The following RP1L1 variants were observed in gnomAD, a reference collection of about 807,000 sequenced individuals.
The protein encoded by RP1L1 is retinitis pigmentosa 1-like 1 protein.
RP1L1 carries 27 observed loss-of-function variants against 15.7 expected under a neutral mutation model. The ratio of observed to expected loss-of-function variants is 1.72; its 90% CI spans 1.27 to 2.38. The LOEUF (loss-of-function observed/expected upper bound fraction) is 2.38. RP1L1 is among the 30% of genes most tolerant of loss of function. The pLI is 0.00. For synonymous variants in RP1L1, 1,813 were observed against 1,276.7 expected (o/e 1.42, Z -8.96); for missense variants, 4,798 against 3,075.9 (o/e 1.56, Z -13.24).
intron 1 of RP1L1, among the ~76,000 whole-genome samples, chr8:10,649,190 C>G (rs1031725942): frequency 1.3e-5 from 2 of 152,234 alleles, no homozygotes; most frequent in African/African-American, 4.8e-5. Context: ...CCCACAGACA[C>G]AACTTTCTTC....
At position 10,612,062 on chromosome 8, in the gene RP1L1, T is replaced by A; in HGVS notation, c.2036A>T (p.Asp679Val). 2 of 1,613,714 alleles carry A rather than the reference T, an allele frequency of 1.2e-6. No homozygotes were observed. Among genetic ancestry groups the A allele is most frequent in the Non-Finnish European group, 1.7e-6 (2 of 1,180,004 alleles). The change falls in exon 4 of 4, where the codon GAC becomes GTC. Residue 679 changes from aspartate (D) to valine (V), a missense_variant. Coordinates refer to ENST00000382483, the MANE Select transcript of RP1L1 (RefSeq NM_178857.6). ...CGGCACTTGCTTGGTTACAGAGGAG[T>A]CCAGTGGGCTGTGGGTGTCCTTGCG... ...HYRKDTHSPL[D>V]SSVTKQVPRP...
intron 1 of RP1L1, among the ~76,000 whole-genome samples, chr8:10,645,065 G>GCCTGTAATTTCAGAA (rs1206303523): frequency 6.6e-6 from 1 of 152,208 alleles, no homozygotes; most frequent in Non-Finnish European, 1.5e-5. Flanking sequence ...GGTGGCTCAT[G>GCCTGTAATTTCAGAA]CCTGTAATTT....
intron 1 of RP1L1, among the ~76,000 whole-genome samples, chr8:10,643,113 G>A (rs1347302071): frequency 6.6e-6 from 1 of 152,144 alleles, no homozygotes; most frequent in East Asian, 1.9e-4. Context: ...AAGGCAGGAG[G>A]ATTGCTTGAT....
Position 10,611,501 on chromosome 8 carries a change from C to A in RP1L1, c.2597G>T (p.Arg866Leu), listed in dbSNP as rs1008642662. 1.3e-6 allele frequency: 2 copies of A among 1,574,510 alleles called. No homozygotes were observed. The highest frequency in any genetic ancestry group is 1.9e-5 in the Admixed American group (1 of 53,564). The change falls in exon 4 of 4, where the codon CGC becomes CTC. Residue 866 changes from arginine to leucine, a missense_variant. By Grantham distance (102) the Arg-to-Leu change is moderately radical. Coordinates refer to ENST00000382483, the MANE Select transcript of RP1L1 (RefSeq NM_178857.6). Reference sequence around the variant, plus strand: ...GCCGGTGCTCCCACAGCTGGAAGAGCGCCTCTGGGGGCAGGGCCGCCCCCT... The same window carrying A: ...GCCGGTGCTCCCACAGCTGGAAGAGAGCCTCTGGGGGCAGGGCCGCCCCCT... ...PPRGRPCPQR[R>L]SSSCGSTGSS...
intron 1 of RP1L1, among the ~76,000 whole-genome samples, chr8:10,640,715 T>C (rs1335727031): frequency 2.0e-5 from 3 of 151,784 alleles, no homozygotes; most frequent in African/African-American, 7.3e-5. Context: ...CTATAAGGTG[T>C]AGGAAAGAGA....
In RP1L1 at chr8:10,607,896, C is replaced by T. The variant is rs370161581; in HGVS notation, c.6202G>A (p.Glu2068Lys). The T allele has an allele frequency of 2.5e-6, 4 of 1,596,136 alleles. No individual in the cohort carries two copies. The highest frequency in any genetic ancestry group is 3.4e-6 in the Non-Finnish European group (4 of 1,169,184). ...CCTTCTGCCTCCTGGACCTCCCCTTCAGCCTCCTGTGCCTCCTCTTCTGCC... is the reference window on the plus strand; with the variant it reads ...CCTTCTGCCTCCTGGACCTCCCCTTTAGCCTCCTGTGCCTCCTCTTCTGCC... The part of the protein sequence containing the change: ...PEAEEEAQEA[E>K]GEVQEAEGEA... Residue 2068 changes from glutamate (E) to lysine (K), a missense_variant, in exon 4 of 4, where the codon GAA becomes AAA. Physicochemically the swap from Glu to Lys is moderately conservative, Grantham distance 56 (BLOSUM62 1). Transcript: ENST00000382483.
rs368910108 is a variant in RP1L1 at position 10,609,007 on chromosome 8, C to T, written c.5091G>A (p.Arg1697=). The T allele has an allele frequency of 3.1e-6, 5 of 1,613,320 alleles. No homozygotes were observed. In the African/African-American group the frequency reaches 6.7e-5, roughly 22 times the overall value. ...CTGCCTCCCCATCAGTGTGTTCTCCCCTCTTCCTCTGCAGAATCTGCTGCA... is the reference window on the plus strand; with the variant it reads ...CTGCCTCCCCATCAGTGTGTTCTCCTCTCTTCCTCTGCAGAATCTGCTGCA... ...FDLQQILQRK[R]GEHTDGEAAE... is the part of the protein sequence containing the mutation. Residue 1697 remains arginine, a synonymous_variant, in exon 4 of 4, where the codon AGG becomes AGA. Transcript: ENST00000382483.
rs199682045 is a variant in RP1L1 at position 10,616,485 on chromosome 8, C to T, written c.712G>A (p.Ala238Thr). 6.8e-5 allele frequency: 110 copies of T among 1,614,266 alleles called. No homozygotes were observed. The highest frequency in any genetic ancestry group is 8.8e-5 in the Non-Finnish European group (104 of 1,180,044). The change falls in exon 3 of 4, where the codon GCT (alanine) becomes ACT (threonine). Residue 238 changes from alanine to threonine, a missense_variant. Coordinates refer to ENST00000382483, the MANE Select transcript of RP1L1 (RefSeq NM_178857.6). ...PAMKNARRSE[A>T]ETLSGLTSRN... ...GAAGTCAGCCCAGATAAAGTTTCAG[C>T]CTCGCTTCTCCTGGCATTTTTCATG...
rs573240333 is a variant in RP1L1, at chr8:10,613,175, T to C, written c.923A>G (p.Asp308Gly). Residue 308 changes from aspartate (D) to glycine (G), a missense_variant, in exon 4 of 4, where the codon GAC (aspartate) becomes GGC (glycine). Asp to Gly is a moderately conservative substitution (Grantham distance 94). Transcript: ENST00000382483. ...ATTCATGCGGACCTTCTTCTTCATGTCATCGCCAGCCACCAGCGGGCCCGA... is the reference window on the plus strand; with the variant it reads ...ATTCATGCGGACCTTCTTCTTCATGCCATCGCCAGCCACCAGCGGGCCCGA... ...AQSGPLVAGD[D>G]MKKKVRMNED... 1.2e-6 allele frequency: 2 copies of C among 1,613,696 alleles called. No homozygotes were observed. Among genetic ancestry groups the C allele is most frequent in the Admixed American group, 1.7e-5 (1 of 60,026 alleles).
intron 1 of RP1L1, among the ~76,000 whole-genome samples, chr8:10,631,614 T>G (rs1798253706): frequency 6.6e-6 from 1 of 152,234 alleles, no homozygotes; most frequent in Non-Finnish European, 1.5e-5. Flanking sequence ...CATCCGAGGC[T>G]TGGCAAAGTT....
Position 10,608,434 on chromosome 8 carries a change from T to C in RP1L1, c.5664A>G (p.Glu1888=). The C allele has an allele frequency of 6.2e-7, 1 of 1,601,438 alleles. No homozygotes were observed. The highest frequency in any genetic ancestry group is 8.5e-7 in the Non-Finnish European group (1 of 1,173,744). The change falls in exon 4 of 4, where the codon GAA becomes GAG. Residue 1888 remains glutamate (E), a synonymous_variant. Transcript: ENST00000382483. ...EAEGEAQPES[E]DVETPEAEWE... ...ATTCTGCCTCTGGGGTCTCTACATC[T>C]TCTGACTCTGGCTGGGCCTCTCCTT... is the stretch of plus-strand genomic sequence containing the variant.
intron 3 of RP1L1, 133 bp from the exon 4 acceptor site, chr8:10,613,479 G>T: frequency 7.6e-7 from 1 of 1,310,524 alleles, no homozygotes; most frequent in Non-Finnish European, 1.1e-6. Flanking sequence ...AATGCACGGT[G>T]ACAGCTGTGC....
chr8:10,615,436 C>G (rs73662877), intron 3 of RP1L1, among the ~76,000 whole-genome samples: 5,821 of 152,158 alleles, frequency 0.038, 392 homozygotes, highest in African/African-American at 0.13. Flanking sequence ...TCCCTTTGAC[C>G]CCCATGCAGG....
Position 10,607,084 on chromosome 8 carries a change from CCT to C in RP1L1, c.7012_7013del (p.Arg2338GlufsTer13). Reference protein sequence around the residue: ...AKSTGTPHAERKATRMYPESS... With the variant: ...AKSTGTPHAEXKATRMYPESS... ...TTTCTGGGTACATCCTGGTGGCCTT[CCT>C]CTCTGCATGAGGGGTCCCCGTGGAC... On this transcript the variant is annotated frameshift_variant, in exon 4 of 4. Coordinates refer to ENST00000382483, the MANE Select transcript of RP1L1 (RefSeq NM_178857.6). LOFTEE classifies it low-confidence loss of function (END_TRUNC). The C allele has an allele frequency of 6.2e-7, 1 of 1,614,226 alleles. No homozygotes were observed. The highest frequency in any genetic ancestry group is 8.5e-7 in the Non-Finnish European group (1 of 1,180,038).
At chr8:10,646,325 C>T (rs954729086) in intron 1 of RP1L1, among the ~76,000 whole-genome samples, 1 of 152,168 alleles carries the variant, frequency 6.6e-6, no homozygotes, top group Admixed American at 6.5e-5. Context: ...AGGGAGGGAG[C>T]TGGAGTTTCA....
At chr8:10,617,606 G>A (rs145351562) in intron 2 of RP1L1, among the ~76,000 whole-genome samples, 1,888 of 130,056 alleles carry the variant, frequency 0.015, 40 homozygotes, top group African/African-American at 0.052. Context: ...ACCCAGGCTG[G>A]AGTGCAGTGG....
At position 10,610,584 on chromosome 8, in the gene RP1L1, G is replaced by T. The variant is rs143870426; in HGVS notation, c.3514C>A (p.Leu1172Ile). ...DVGEDQLDSGLWELTWSQALP... is the reference protein window; with the variant it reads ...DVGEDQLDSGIWELTWSQALP... ...GCCTGGCTCCATGTGAGCTCCCAGA[G>T]GCCTGAGTCCAGCTGGTCTTCCCCA... The change falls in exon 4 of 4, where the codon CTC (leucine) becomes ATC (isoleucine). Residue 1172 changes from leucine to isoleucine, a missense_variant. Coordinates refer to ENST00000382483, the MANE Select transcript of RP1L1 (RefSeq NM_178857.6). 1.9e-3 allele frequency: 3,106 copies of T among 1,613,672 alleles called. 39 individuals are homozygous for T. Among genetic ancestry groups the T allele is most frequent in the South Asian group, 0.016 (1,499 of 91,086 alleles).
Position 10,607,166 on chromosome 8 carries a change from T to G in RP1L1, c.6932A>C (p.Gln2311Pro), listed in dbSNP as rs749354251. Reference protein sequence around the residue: ...SRASSWGNCWQKDSENDHVLG... With the variant: ...SRASSWGNCWPKDSENDHVLG... ...TACATGGTCATTTTCTGAGTCTTTC[T>G]GCCAGCAGTTGCCCCAAGAGGATGC... Residue 2311 changes from glutamine (Q) to proline (P), a missense_variant, in exon 4 of 4, where the codon CAG becomes CCG. Transcript: ENST00000382483. 34 of 1,614,116 alleles carry G rather than the reference T, an allele frequency of 2.1e-5. No individual in the cohort carries two copies. In the East Asian group the frequency reaches 7.3e-4, roughly 35 times the overall value.
At chr8:10,631,268 C>G (rs1164889365) in intron 1 of RP1L1, among the ~76,000 whole-genome samples, 1 of 151,286 alleles carries the variant, frequency 6.6e-6, no homozygotes, top group African/African-American at 2.4e-5. Flanking sequence ...CACACGCACA[C>G]AAACACGCAT....
Sources: gnomAD v4.1 joint callset for allele counts (sites outside exome capture counted in the v4.1 genomes callset) on GRCh38, gnomAD v4.1.1 for gene constraint, MANE v1.5 for transcripts, NCBI Gene and HGNC (gene_info 2026-07-23, HGNC 2026-07-21) for gene names.